The following EDIL3 variants were observed in gnomAD, a reference collection of about 807,000 sequenced individuals.
EDIL3 encodes the protein EGF like and discoidin domains 3.
In EDIL3, 37 loss-of-function variants were observed where a neutral mutation model predicts 67.4. The ratio of observed to expected loss-of-function variants is 0.55; its 90% CI spans 0.42 to 0.72. The LOEUF is 0.72. Among genes scored for constraint, EDIL3 ranks in the 30% least tolerant of loss-of-function variants. The pLI is 0.00. For missense variants in EDIL3, 527 were observed against 586.3 expected, an observed-to-expected ratio of 0.90 and a Z score of 1.04; for synonymous variants, 195 against 196.3, an observed-to-expected ratio of 0.99 and a Z score of 0.05.
chr5:84,309,880 T>C (rs1328553643), intron 1 of EDIL3, among the ~76,000 whole-genome samples: 1 of 152,172 alleles, frequency 6.6e-6, no homozygotes, highest in Admixed American at 6.5e-5. Context: ...CTGGGTCAAA[T>C]GGTATTTCTA....
intron 1 of EDIL3, among the ~76,000 whole-genome samples, chr5:84,379,766 T>G (rs1748037918): frequency 6.6e-6 from 1 of 152,084 alleles, no homozygotes; most frequent in Admixed American, 6.5e-5. Context: ...CAATGCCCTC[T>G]TTTTTTCTTC....
intron 2 of EDIL3, among the ~76,000 whole-genome samples, chr5:84,232,072 T>A (rs560109528): frequency 8.6e-5 from 13 of 150,422 alleles, no homozygotes; most frequent in African/African-American, 2.8e-4. Flanking sequence ...AAAACTGAAC[T>A]TCTTCTGCTG....
intron 2 of EDIL3, among the ~76,000 whole-genome samples, chr5:84,240,700 C>T (rs1208794827): frequency 6.6e-6 from 1 of 152,134 alleles, no homozygotes; most frequent in Non-Finnish European, 1.5e-5. Flanking sequence ...AAATTGTCTT[C>T]CACGAAACTG....
At chr5:84,381,317 T>C (rs1433813115) in intron 1 of EDIL3, among the ~76,000 whole-genome samples, 1 of 152,174 alleles carries the variant, frequency 6.6e-6, no homozygotes, top group Non-Finnish European at 1.5e-5. Flanking sequence ...GAATACTTCA[T>C]TTTCACTTAA....
chr5:84,053,506 C>A (rs927726815), intron 9 of EDIL3, among the ~76,000 whole-genome samples: 5 of 152,028 alleles, frequency 3.3e-5, no homozygotes, highest in Admixed American at 3.3e-4. Flanking sequence ...TTCAAAAAAT[C>A]AATGAATCCA....
At chr5:84,064,383 T>C (rs1338255452) in intron 8 of EDIL3, among the ~76,000 whole-genome samples, 1 of 152,178 alleles carries the variant, frequency 6.6e-6, no homozygotes, top group Non-Finnish European at 1.5e-5. Context: ...TCGGAAAACA[T>C]AGATCACAGT....
At position 84,066,514 on chromosome 5, in the gene EDIL3, A is replaced by C; in HGVS notation, c.744T>G (p.Ile248Met). ...GSPEYIKSYK[I>M]AYSNDGKTWA... ...AAGTCTTTCCATCATTACTGTAGGC[A>C]ATTTTGTAGGATTTTATATACTCTG... The change falls in exon 7 of 11, where the codon ATT (isoleucine) becomes ATG (methionine). Residue 248 changes from isoleucine to methionine, a missense_variant. By Grantham distance (10) the Ile-to-Met change is conservative (BLOSUM62 1). This residue lies in a region of EDIL3 where 494 missense variants were observed against 522.5 expected (regional missense o/e 0.95). Coordinates refer to ENST00000296591, the MANE Select transcript of EDIL3 (RefSeq NM_005711.5). 6.2e-7 allele frequency: 1 copy of C among 1,613,482 alleles called. No individual in the cohort carries two copies. Among genetic ancestry groups the C allele is most frequent in the Non-Finnish European group, 8.5e-7 (1 of 1,179,814 alleles).
intron 9 of EDIL3, among the ~76,000 whole-genome samples, chr5:84,019,543 TAAAAATAA>T (rs900403378): frequency 6.6e-6 from 1 of 151,416 alleles, no homozygotes; most frequent in African/African-American, 2.4e-5. Context: ...TAAAGTATAA[TAAAAATAA>T]AAAAATAAAA....
At chr5:84,063,729 C>A (rs2112238482) in intron 8 of EDIL3, among the ~76,000 whole-genome samples, 1 of 152,186 alleles carries the variant, frequency 6.6e-6, no homozygotes, top group East Asian at 1.9e-4. Context: ...TTTGCAGGGA[C>A]TTGTTCTCCT....
chr5:84,063,839 C>T (rs1366614), intron 8 of EDIL3, among the ~76,000 whole-genome samples: 17,250 of 152,146 alleles, frequency 0.11, 1,494 homozygotes, highest in African/African-American at 0.24. Flanking sequence ...TAGTTTTCTT[C>T]ACAGTTATTT....
intron 9 of EDIL3, among the ~76,000 whole-genome samples, chr5:84,035,835 G>A (rs945187015): frequency 6.6e-5 from 10 of 152,042 alleles, no homozygotes; most frequent in Non-Finnish European, 1.5e-4. Flanking sequence ...CCAGATCTCT[G>A]GTTTATGTTC....
chr5:84,187,334 G>A (rs1264750042), intron 3 of EDIL3, among the ~76,000 whole-genome samples: 1 of 152,008 alleles, frequency 6.6e-6, no homozygotes, highest in Non-Finnish European at 1.5e-5. Context: ...ATTTCCATAT[G>A]TGTAATATGA....
At chr5:84,130,243 A>G (rs974187271) in intron 5 of EDIL3, among the ~76,000 whole-genome samples, 2 of 152,042 alleles carry the variant, frequency 1.3e-5, no homozygotes, top group African/African-American at 4.8e-5. Context: ...AATAATACAT[A>G]ATTCTTTTTT....
chr5:84,121,534 G>GATCT (rs544249908), intron 5 of EDIL3, among the ~76,000 whole-genome samples: 2,613 of 99,970 alleles, frequency 0.026, 58 homozygotes, highest in African/African-American at 0.073. Context: ...CACTAACTTA[G>GATCT]ATCGATCTAT....
At chr5:84,064,134 T>C (rs889302846) in intron 8 of EDIL3, among the ~76,000 whole-genome samples, 1 of 152,132 alleles carries the variant, frequency 6.6e-6, no homozygotes, top group African/African-American at 2.4e-5. Context: ...AATAAACAGG[T>C]TGCTAGCTAA....
intron 1 of EDIL3, 23 bp downstream of exon 1, chr5:84,384,285 C>G: frequency 6.2e-7 from 1 of 1,603,850 alleles, no homozygotes; most frequent in Non-Finnish European, 8.5e-7. Flanking sequence ...CCTCACCCAG[C>G]TGTCCGGGTC....
intron 10 of EDIL3, among the ~76,000 whole-genome samples, chr5:83,948,957 G>T (rs144378222): frequency 1.3e-5 from 2 of 151,666 alleles, no homozygotes; most frequent in Non-Finnish European, 2.9e-5. Context: ...ACATTCTTCC[G>T]GATGTAATAA....
intron 9 of EDIL3, among the ~76,000 whole-genome samples, chr5:84,013,773 A>T (rs1332715712): frequency 6.6e-6 from 1 of 152,190 alleles, no homozygotes; most frequent in East Asian, 1.9e-4. Flanking sequence ...ACCTCTCAGA[A>T]CACAAAACAT....
intron 1 of EDIL3, among the ~76,000 whole-genome samples, chr5:84,262,917 T>C (rs1252547470): frequency 1.3e-5 from 2 of 151,894 alleles, no homozygotes; most frequent in East Asian, 3.9e-4. Flanking sequence ...ACAATCTGCC[T>C]GCCTCAGCCT....
Sources: allele counts gnomAD v4.1 joint callset (sites outside exome capture counted in the v4.1 genomes callset), GRCh38; gene constraint gnomAD v4.1.1; regional missense constraint gnomAD v4.1.1; transcripts MANE v1.5; gene names NCBI Gene and HGNC (gene_info 2026-07-23, HGNC 2026-07-21).